The following ZNF618 variants were observed in gnomAD, a reference collection of about 807,000 sequenced individuals.
ZNF618 encodes the protein neural precursor cell expressed, developmentally down-regulated 10.
A neutral mutation model predicts 103.0 loss-of-function variants in ZNF618; 34 were observed. The ratio of observed to expected loss-of-function variants is 0.33; its 90% confidence interval spans 0.25 to 0.44. The LOEUF (loss-of-function observed/expected upper bound fraction) is 0.44, where lower values mean the gene tolerates loss of function less well. Among genes scored for constraint, ZNF618 ranks in the 20% least tolerant of loss-of-function variants. The pLI, the probability that ZNF618 is intolerant of heterozygous loss-of-function variation, is 1.00. For missense variants in ZNF618, 1,059 were observed against 1,295.4 expected (o/e 0.82, Z 2.80); for synonymous variants, 551 against 542.2 (o/e 1.02, Z -0.23).
rs1460100280 is a variant in ZNF618, at chr9:113,883,808, T to A, written c.33+7395T>A. Among the ~76,000 whole-genome samples, 6 of 152,180 alleles carry A rather than the reference T, an allele frequency of 3.9e-5. No individual in the cohort carries two copies. The South Asian group carries it at 1.0e-3, about 26-fold the overall frequency. On this transcript the variant is annotated intron_variant, in intron 1 of 14. Transcript: ENST00000374126. ...AGGATGCCCCTTACAGTAGATTTGT[T>A]CTTCTAGTGAACTTTTTCTCCCTCT... is the stretch of plus-strand genomic sequence containing the variant.
intron 1 of ZNF618, among the ~76,000 whole-genome samples, chr9:113,951,439 ATACATATATGTG>A (rs1564206965): frequency 4.5e-4 from 31 of 68,348 alleles, no homozygotes; most frequent in African/African-American, 8.8e-4. Flanking sequence ...GTGTATATAT[ATACATATATGTG>A]TATATATACA....
chr9:113,903,526 GT>G (rs1251965329), intron 1 of ZNF618, among the ~76,000 whole-genome samples: 1 of 151,420 alleles, frequency 6.6e-6, no homozygotes, highest in Non-Finnish European at 1.5e-5. Flanking sequence ...ATCTATCATA[GT>G]TTATGTAACT....
intron 2 of ZNF618, among the ~76,000 whole-genome samples, chr9:113,970,505 T>C (rs1478876880): frequency 1.3e-5 from 2 of 152,120 alleles, no homozygotes; most frequent in Non-Finnish European, 2.9e-5. Flanking sequence ...TTCTCAACTC[T>C]GCCAGTATAA....
chr9:113,895,073 GT>G (rs1829923817), intron 1 of ZNF618, among the ~76,000 whole-genome samples: 1 of 143,266 alleles, frequency 7.0e-6, no homozygotes, highest in Non-Finnish European at 1.5e-5. Context: ...TTTTATTTTG[GT>G]TTCAGAAATG....
chr9:114,026,775 A>C (rs925469826), intron 10 of ZNF618, among the ~76,000 whole-genome samples: 1 of 152,194 alleles, frequency 6.6e-6, no homozygotes, highest in Non-Finnish European at 1.5e-5. Flanking sequence ...GCAGTTTATC[A>C]TTCAGGATGC....
intron 1 of ZNF618, among the ~76,000 whole-genome samples, chr9:113,932,572 T>G (rs1356751953): frequency 6.6e-6 from 1 of 151,232 alleles, no homozygotes; most frequent in African/African-American, 2.4e-5. Context: ...AGTAGAGAGG[T>G]GGTGGAGAGA....
chr9:113,893,565 G>C (rs975649245), intron 1 of ZNF618, among the ~76,000 whole-genome samples: 1 of 151,876 alleles, frequency 6.6e-6, no homozygotes, highest in African/African-American at 2.4e-5. Context: ...TAAGAATTTT[G>C]TTCCTGCCTT....
At chr9:114,009,783 G>C (rs953951206) in intron 9 of ZNF618, among the ~76,000 whole-genome samples, 1 of 152,144 alleles carries the variant, frequency 6.6e-6, no homozygotes, top group Non-Finnish European at 1.5e-5. Flanking sequence ...CCTCAGGGCA[G>C]AGCTCGATCC....
At chr9:114,048,040 C>A in intron 14 of ZNF618, 46 bp downstream of exon 14, 1 of 1,473,784 alleles carries the variant, frequency 6.8e-7, no homozygotes, top group South Asian at 1.2e-5. Context: ...CCCTTATGCT[C>A]CAGTTGTTCC....
chr9:113,987,157 A>C lies in ZNF618; in HGVS notation c.78-1164A>C, dbSNP rs115440480. 5.7e-3 allele frequency among the ~76,000 whole-genome samples: 869 copies of C among 152,292 alleles called. 12 individuals are homozygous for C. Among genetic ancestry groups the C allele is most frequent in the East Asian group, 0.051 (263 of 5,176 alleles). On this transcript the variant is annotated intron_variant, in intron 2 of 14. Transcript: ENST00000374126. Reference sequence around the variant, plus strand: ...ATGACTCGATTTCCCAGTATGTGCAAGCCTCAGCTTCCCCACCTCACAGAC... The same window carrying C: ...ATGACTCGATTTCCCAGTATGTGCACGCCTCAGCTTCCCCACCTCACAGAC...
chr9:113,878,113 T>C (rs1828130609), intron 1 of ZNF618, among the ~76,000 whole-genome samples: 1 of 152,098 alleles, frequency 6.6e-6, no homozygotes, highest in Non-Finnish European at 1.5e-5. Flanking sequence ...ATATTTGTTA[T>C]TTTTCAAAAA....
At chr9:113,935,079 T>A (rs745355636) in intron 1 of ZNF618, among the ~76,000 whole-genome samples, 25 of 152,104 alleles carry the variant, frequency 1.6e-4, no homozygotes, top group Non-Finnish European at 2.9e-4. Context: ...TGGTCAGGGG[T>A]GAGAGGGACC....
chr9:113,887,186 A>C (rs1197403482), intron 1 of ZNF618, among the ~76,000 whole-genome samples: 1 of 152,088 alleles, frequency 6.6e-6, no homozygotes, highest in Non-Finnish European at 1.5e-5. Context: ...TGTAGGACTC[A>C]GAACCTGGCA....
At chr9:113,921,569 G>A (rs1346529872) in intron 1 of ZNF618, among the ~76,000 whole-genome samples, 1 of 152,212 alleles carries the variant, frequency 6.6e-6, no homozygotes, top group East Asian at 1.9e-4. Context: ...AACCCCGGAG[G>A]CAAACAGAGT....
chr9:113,943,200 C>T (rs1272003269), intron 1 of ZNF618, among the ~76,000 whole-genome samples: 3 of 152,216 alleles, frequency 2.0e-5, no homozygotes, highest in Non-Finnish European at 4.4e-5. Flanking sequence ...CATCCTTGCT[C>T]TCCAGTGGCT....
intron 1 of ZNF618, among the ~76,000 whole-genome samples, chr9:113,931,703 G>A (rs749053519): frequency 9.2e-5 from 14 of 152,202 alleles, no homozygotes; most frequent in African/African-American, 1.9e-4. Flanking sequence ...ACCACATTCC[G>A]AAGACTTAGT....
At chr9:113,931,691 G>C (rs970776871) in intron 1 of ZNF618, among the ~76,000 whole-genome samples, 3 of 152,174 alleles carry the variant, frequency 2.0e-5, no homozygotes, top group Non-Finnish European at 4.4e-5. Context: ...TGTAAAATAC[G>C]TACCACATTC....
In ZNF618 at chr9:114,032,635, C is replaced by A; in HGVS notation, c.1085-10C>A. On this transcript the variant is annotated splice_polypyrimidine_tract_variant and intron_variant, in intron 11 of 14. Transcript: ENST00000374126. ...CATTGTTTTCTTTCTCTCTCCTGTC[C>A]CCCACCCAGCAGAAAGCGCTTTCAG... The A allele has an allele frequency of 1.9e-6, 3 of 1,613,624 alleles. No homozygotes were observed. Among genetic ancestry groups the A allele is most frequent in the South Asian group, 2.2e-5 (2 of 91,078 alleles).
At chr9:113,939,576 A>G (rs1447610659) in intron 1 of ZNF618, among the ~76,000 whole-genome samples, 1 of 152,152 alleles carries the variant, frequency 6.6e-6, no homozygotes, top group Non-Finnish European at 1.5e-5. Flanking sequence ...CGCTTATTGA[A>G]AATTTGACAC....
Sources: gnomAD v4.1 joint callset for allele counts (sites outside exome capture counted in the v4.1 genomes callset) on GRCh38, gnomAD v4.1.1 for gene constraint, MANE v1.5 for transcripts, NCBI Gene and HGNC (gene_info 2026-07-23, HGNC 2026-07-21) for gene names.